The following PTPRD variants were observed in gnomAD, a reference collection of about 807,000 sequenced individuals.
PTPRD encodes the protein receptor-type tyrosine-protein phosphatase delta.
In PTPRD, 34 loss-of-function variants were observed where a neutral mutation model predicts 214.5. That is an observed-to-expected ratio of 0.16 (90% confidence interval 0.12 to 0.21). The LOEUF is 0.21. Among genes scored for constraint, PTPRD ranks in the 10% least tolerant of loss-of-function variants. PTPRD has a pLI of 1.00. For synonymous variants in PTPRD, 1,128 were observed against 845.7 expected, an observed-to-expected ratio of 1.33 and a Z score of -5.79; for missense variants, 2,545 against 2,398.7, an observed-to-expected ratio of 1.06 and a Z score of -1.27.
At chr9:8,321,110 C>T (rs933020749) in intron 44 of PTPRD, among the ~76,000 whole-genome samples, 8 of 151,978 alleles carry the variant, frequency 5.3e-5, no homozygotes, top group East Asian at 1.9e-4. Flanking sequence ...AGATGTCTAG[C>T]GGCAGTGAAA....
intron 3 of PTPRD, among the ~76,000 whole-genome samples, chr9:10,098,618 CA>C (rs780485565): frequency 6.9e-4 from 105 of 151,904 alleles, no homozygotes; most frequent in Middle Eastern, 3.4e-3. Flanking sequence ...CTCAGACTAG[CA>C]GAGTAAAAGA....
At chr9:9,687,679 C>T (rs4742611) in intron 7 of PTPRD, among the ~76,000 whole-genome samples, 45,174 of 151,234 alleles carry the variant, frequency 0.3, 7,071 homozygotes, top group Admixed American at 0.45. Flanking sequence ...TATTAAAATG[C>T]CTTCTCTATG....
At chr9:8,739,580 T>C (rs535823863) in intron 11 of PTPRD, among the ~76,000 whole-genome samples, 5 of 152,304 alleles carry the variant, frequency 3.3e-5, no homozygotes, top group Admixed American at 6.5e-5. Flanking sequence ...TCAGTGTTTT[T>C]TGGAGGTGTA....
At chr9:9,329,886 A>T (rs749389566) in intron 9 of PTPRD, among the ~76,000 whole-genome samples, 1 of 152,162 alleles carries the variant, frequency 6.6e-6, no homozygotes, top group Non-Finnish European at 1.5e-5. Flanking sequence ...ACATAAGCCA[A>T]TTCCCTCACT....
intron 2 of PTPRD, among the ~76,000 whole-genome samples, chr9:10,427,053 G>A (rs1328362784): frequency 6.6e-6 from 1 of 151,808 alleles, no homozygotes; most frequent in Non-Finnish European, 1.5e-5. Flanking sequence ...TATTTTGGGG[G>A]GTATTGTTTT....
chr9:9,842,312 T>G (rs2058529232), intron 5 of PTPRD, among the ~76,000 whole-genome samples: 1 of 146,106 alleles, frequency 6.8e-6, no homozygotes, highest in African/African-American at 2.5e-5. Flanking sequence ...TTTTTTTTTT[T>G]TTTTTTTTTT....
At chr9:9,585,649 C>G (rs1489642208) in intron 7 of PTPRD, among the ~76,000 whole-genome samples, 1 of 152,034 alleles carries the variant, frequency 6.6e-6, no homozygotes, top group East Asian at 1.9e-4. Flanking sequence ...TCTTCCCTTT[C>G]TTTTCAGCCC....
chr9:8,912,074 C>T (rs1366044646), intron 11 of PTPRD, among the ~76,000 whole-genome samples: 1 of 152,082 alleles, frequency 6.6e-6, no homozygotes, highest in Non-Finnish European at 1.5e-5. Context: ...AAATAACATA[C>T]CACTTCAGAA....
intron 3 of PTPRD, among the ~76,000 whole-genome samples, chr9:10,069,300 C>T (rs2097946880): frequency 6.6e-6 from 1 of 151,940 alleles, no homozygotes; most frequent in Non-Finnish European, 1.5e-5. Context: ...AAGCAGAGTG[C>T]AAACAAGAAG....
intron 11 of PTPRD, among the ~76,000 whole-genome samples, chr9:8,820,573 A>C (rs1836229): frequency 2.0e-5 from 3 of 152,080 alleles, no homozygotes; most frequent in African/African-American, 7.2e-5. Context: ...TTAAGGATAC[A>C]TTTTTATGTT....
At chr9:9,389,011 C>A (rs2064885874) in intron 9 of PTPRD, among the ~76,000 whole-genome samples, 1 of 152,028 alleles carries the variant, frequency 6.6e-6, no homozygotes, top group Non-Finnish European at 1.5e-5. Flanking sequence ...TAATAGGAGT[C>A]TATGGGATTG....
At chr9:8,959,527 T>A (rs1049401848) in intron 11 of PTPRD, among the ~76,000 whole-genome samples, 1 of 151,908 alleles carries the variant, frequency 6.6e-6, no homozygotes, top group East Asian at 1.9e-4. Flanking sequence ...AGAATCATCA[T>A]GGTAGGCATT....
rs375420439 is a variant in PTPRD at position 9,024,191 on chromosome 9, T to G, written c.-142-5456A>C. 2.7e-4 allele frequency among the ~76,000 whole-genome samples: 41 copies of G among 151,930 alleles called. No homozygotes were observed. The South Asian group carries it at 8.5e-3, about 31-fold the overall frequency. ...GTTCATTAATAGTGCTATGTTCTCTTTTTTACTTACTCTTCCATGAGTATT... is the reference window on the plus strand; with the variant it reads ...GTTCATTAATAGTGCTATGTTCTCTGTTTTACTTACTCTTCCATGAGTATT... On this transcript the variant is annotated intron_variant, in intron 10 of 45. Transcript: ENST00000381196.
At chr9:8,436,950 G>A (rs577929326) in intron 34 of PTPRD, among the ~76,000 whole-genome samples, 5 of 152,284 alleles carry the variant, frequency 3.3e-5, no homozygotes, top group South Asian at 4.1e-4. Flanking sequence ...GCGTTATTGT[G>A]CTATGAATCA....
At chr9:8,840,352 C>A (rs935964028) in intron 11 of PTPRD, among the ~76,000 whole-genome samples, 2 of 152,102 alleles carry the variant, frequency 1.3e-5, no homozygotes, top group African/African-American at 2.4e-5. Flanking sequence ...GAAGAGTTCC[C>A]CTGCACAAAC....
intron 10 of PTPRD, among the ~76,000 whole-genome samples, chr9:9,071,242 A>G (rs12339518): frequency 0.03 from 4,506 of 152,220 alleles, 110 homozygotes; most frequent in Non-Finnish European, 0.045. Context: ...TTCCCTGTGT[A>G]ATCAATGCTC....
intron 39 of PTPRD, among the ~76,000 whole-genome samples, chr9:8,344,151 T>G (rs921883295): frequency 6.6e-6 from 1 of 152,114 alleles, no homozygotes; most frequent in Non-Finnish European, 1.5e-5. Context: ...GTAACATCTT[T>G]CGTTCTTTCT....
intron 12 of PTPRD, among the ~76,000 whole-genome samples, chr9:8,689,826 G>A (rs565569720): frequency 4.6e-5 from 7 of 152,018 alleles, no homozygotes; most frequent in Non-Finnish European, 1.0e-4. Flanking sequence ...TTAAAATTTG[G>A]GCCAGGCACA....
chr9:10,169,332 G>A (rs2099184049), intron 3 of PTPRD, among the ~76,000 whole-genome samples: 1 of 151,454 alleles, frequency 6.6e-6, no homozygotes, highest in Non-Finnish European at 1.5e-5. Context: ...AAATTAGCCG[G>A]GCGTGGTGGC....
Sources: gnomAD v4.1 joint callset for allele counts (sites outside exome capture counted in the v4.1 genomes callset) on GRCh38, gnomAD v4.1.1 for gene constraint, MANE v1.5 for transcripts, NCBI Gene and HGNC (gene_info 2026-07-23, HGNC 2026-07-21) for gene names.